Variants in TRDMT1 observed in about 807,000 individuals in gnomAD.
TRDMT1 encodes the protein tRNA aspartic acid methyltransferase 1.
TRDMT1 carries 49 observed loss-of-function variants against 51.2 expected under a neutral mutation model. The observed-to-expected ratio is 0.96, with a 90% CI of 0.76 to 1.21. The LOEUF (loss-of-function observed/expected upper bound fraction) is 1.21. TRDMT1 is among the 50% of genes most tolerant of loss of function. The pLI, the probability that TRDMT1 is intolerant of heterozygous loss-of-function variation, is 0.00. For synonymous variants in TRDMT1, 187 were observed against 164.6 expected (o/e 1.14, Z -1.04); for missense variants, 534 against 462.3 (o/e 1.16, Z -1.42).
Position 17,140,428 on chromosome 10 carries a change from A to G in TRDMT1, c.*8612T>C, listed in dbSNP as rs1057441757. Among the ~76,000 whole-genome samples the G allele has an allele frequency of 6.6e-6, 1 of 152,118 alleles. No homozygotes were observed. Among genetic ancestry groups the G allele is most frequent in the Admixed American group, 6.5e-5 (1 of 15,274 alleles). ...TGAAAGAACCTACAATTCTATTACC[A>G]TACTCAGCATACTCATATCTAAGTC... On this transcript the variant is annotated 3_prime_UTR_variant, in exon 11 of 11. Coordinates refer to ENST00000377799, the MANE Select transcript of TRDMT1 (RefSeq NM_004412.7).
At chr10:17,183,244 A>G (rs1843489058) in intron 1 of TRDMT1, among the ~76,000 whole-genome samples, 1 of 152,168 alleles carries the variant, frequency 6.6e-6, no homozygotes, top group South Asian at 2.1e-4. Flanking sequence ...TAAAAATCCA[A>G]GTTTTATAAA....
At chr10:17,184,503 C>T (rs1417093141) in intron 1 of TRDMT1, among the ~76,000 whole-genome samples, 1 of 151,808 alleles carries the variant, frequency 6.6e-6, no homozygotes, top group African/African-American at 2.4e-5. Context: ...AAAATCCTCT[C>T]TAAATTTGTC....
rs1287890832 is a variant in TRDMT1 at position 17,148,570 on chromosome 10, G to A, written c.*470C>T. ...TTTACATATCATATGCATTTGTTTA[G>A]ATGAAATAAAGAAATATTTACAGGA... is the stretch of plus-strand genomic sequence containing the variant. On this transcript the variant is annotated 3_prime_UTR_variant, in exon 11 of 11. Transcript: ENST00000377799. The A allele has an allele frequency of 3.1e-6, 3 of 978,046 alleles. No individual in the cohort carries two copies. In the African/African-American group the frequency reaches 5.3e-5, roughly 17 times the overall value. The allele number at this position is 978,046 out of a possible 1,614,324, so 60.6% of individuals were successfully genotyped here. A position where few individuals can be genotyped will look rare whatever the true frequency, so the allele number is the denominator to read the frequency against.
chr10:17,151,029 CTG>C, intron 10 of TRDMT1: 1 of 968,160 alleles, frequency 1.0e-6, no homozygotes. Flanking sequence ...GTGCGTGCAT[CTG>C]TGCATATTTC....
At chr10:17,153,819 T>C (rs552019157) in intron 9 of TRDMT1, among the ~76,000 whole-genome samples, 183 bp from the exon 10 acceptor site, 1 of 152,242 alleles carries the variant, frequency 6.6e-6, no homozygotes, top group East Asian at 1.9e-4. Flanking sequence ...CAATGTAAAC[T>C]TTGAAAAGAA....
intron 1 of TRDMT1, among the ~76,000 whole-genome samples, chr10:17,178,610 C>T (rs10904895): frequency 3.4e-5 from 5 of 146,974 alleles, no homozygotes; most frequent in African/African-American, 7.8e-5. Context: ...CTGGAGGCAG[C>T]GGGTACAGTG....
At chr10:17,197,410 A>T (rs1845598004) in intron 1 of TRDMT1, among the ~76,000 whole-genome samples, 1 of 152,252 alleles carries the variant, frequency 6.6e-6, no homozygotes, top group African/African-American at 2.4e-5. Flanking sequence ...TAGAAAATAC[A>T]GAAGCATCTA....
intron 6 of TRDMT1, among the ~76,000 whole-genome samples, chr10:17,159,807 C>T (rs140626566): frequency 1.1e-3 from 165 of 152,230 alleles, no homozygotes; most frequent in African/African-American, 3.8e-3. Flanking sequence ...GACAGCAACA[C>T]TTGCAAAATT....
In TRDMT1 at chr10:17,160,392, A is replaced by C. The variant is rs1840164708; in HGVS notation, c.390-18T>G. 7 of 1,472,132 alleles carry C rather than the reference A, an allele frequency of 4.8e-6. No homozygotes were observed. The highest frequency in any genetic ancestry group is 2.3e-5 in the Admixed American group (1 of 43,066). 91.2% of individuals were successfully genotyped at this position (1,472,132 alleles called of 1,614,324 possible). On this transcript the variant is annotated intron_variant, in intron 5 of 10. Coordinates refer to ENST00000377799, the MANE Select transcript of TRDMT1 (RefSeq NM_004412.7). ...AGAGGTCTCTAAAAAGAAAAAAAAA[A>C]AACTTTAATTCTTACTTGGAAAGGC...
At chr10:17,151,766 A>C (rs1838770069) in intron 10 of TRDMT1, 4 of 814,540 alleles carry the variant, frequency 4.9e-6, no homozygotes, top group South Asian at 1.1e-4. Flanking sequence ...CTAAAAATGA[A>C]AGCTAAAACA....
intron 5 of TRDMT1, 88 bp downstream of exon 5, chr10:17,161,395 C>G (rs1027673105): frequency 1.8e-5 from 18 of 1,002,252 alleles, no homozygotes; most frequent in Non-Finnish European, 1.9e-5. Context: ...AATGTATGCA[C>G]TGGTTTTTAA....
At chr10:17,200,934 T>C (rs1403596285) in intron 1 of TRDMT1, among the ~76,000 whole-genome samples, 1 of 152,076 alleles carries the variant, frequency 6.6e-6, no homozygotes, top group Non-Finnish European at 1.5e-5. Flanking sequence ...AGGAAACAGG[T>C]TCATCACTGT....
intron 1 of TRDMT1, among the ~76,000 whole-genome samples, chr10:17,193,943 G>A (rs1002376842): frequency 1.3e-5 from 2 of 152,046 alleles, no homozygotes; most frequent in African/African-American, 4.8e-5. Context: ...AGACAGCATG[G>A]TACTGGTACA....
Position 17,201,583 on chromosome 10 carries a change from G to C in TRDMT1, c.52C>G (p.His18Asp), listed in dbSNP as rs368191514. The part of the protein sequence containing the change: ...ELYSGVGGMH[H>D]ALRESCIPAQ... ...GATGGACTCTCACCTCTCAGCGCGT[G>C]GTGCATGCCGCCCACGCCGCTGTAT... The change falls in exon 1 of 11, where the codon CAC becomes GAC. Residue 18 changes from histidine to aspartate, a missense_variant. Physicochemically the swap from His to Asp is moderately conservative, Grantham distance 81 (BLOSUM62 -1). Coordinates refer to ENST00000377799, the MANE Select transcript of TRDMT1 (RefSeq NM_004412.7). 1.7e-5 allele frequency: 26 copies of C among 1,549,602 alleles called. No individual in the cohort carries two copies. Among genetic ancestry groups the C allele is most frequent in the Non-Finnish European group, 2.2e-5 (25 of 1,146,186 alleles).
At chr10:17,156,530 C>T (rs1207022201) in intron 8 of TRDMT1, among the ~76,000 whole-genome samples, 2 of 152,136 alleles carry the variant, frequency 1.3e-5, no homozygotes, top group Non-Finnish European at 2.9e-5. Context: ...CCAGCGTGCC[C>T]GGCCAAAATT....
Position 17,168,895 on chromosome 10 carries a change from T to A in TRDMT1, c.197A>T (p.Asp66Val). The A allele has an allele frequency of 6.2e-7, 1 of 1,612,080 alleles. No individual in the cohort carries two copies. The highest frequency in any genetic ancestry group is 8.5e-7 in the Non-Finnish European group (1 of 1,178,824). Residue 66 changes from aspartate to valine, a missense_variant, in exon 3 of 11, where the codon GAC becomes GTC. Physicochemically the swap from Asp to Val is radical, Grantham distance 152 (BLOSUM62 -3). Coordinates refer to ENST00000377799, the MANE Select transcript of TRDMT1 (RefSeq NM_004412.7). ...TAAAATCATATCAAAAGATAATCTG[T>A]CAAACTCTTCGAGTGTAATGCCCTG... Reference protein sequence around the residue: ...TIEGITLEEFDRLSFDMILMS... With the variant: ...TIEGITLEEFVRLSFDMILMS...
At chr10:17,187,024 A>C (rs1490187503) in intron 1 of TRDMT1, among the ~76,000 whole-genome samples, 1 of 152,210 alleles carries the variant, frequency 6.6e-6, no homozygotes, top group Non-Finnish European at 1.5e-5. Context: ...TTTATGCATT[A>C]GCATCATTGG....
In TRDMT1 at chr10:17,146,450, C is replaced by A. The variant is rs973198349; in HGVS notation, c.*2590G>T. 1.8e-5 allele frequency: 18 copies of A among 985,412 alleles called. No homozygotes were observed. Among genetic ancestry groups the A allele is most frequent in the Non-Finnish European group, 2.2e-5 (18 of 829,930 alleles). The allele number at this position is 985,412 out of a possible 1,614,324, so 61.0% of individuals were successfully genotyped here. On this transcript the variant is annotated 3_prime_UTR_variant, in exon 11 of 11. Coordinates refer to ENST00000377799, the MANE Select transcript of TRDMT1 (RefSeq NM_004412.7). ...CTCTGACCCCTCCTACAATGACTAC[C>A]CACCTCTTCGAAATCATTTTCCAAC...
At position 17,148,811 on chromosome 10, in the gene TRDMT1, T is replaced by C. The variant is rs909243608; in HGVS notation, c.*229A>G. ...CACATATATATTTATCAGTTTCATATGAAAATATACTCTCCATAAAGCATA... is the reference window on the plus strand; with the variant it reads ...CACATATATATTTATCAGTTTCATACGAAAATATACTCTCCATAAAGCATA... On this transcript the variant is annotated 3_prime_UTR_variant, in exon 11 of 11. Coordinates refer to ENST00000377799, the MANE Select transcript of TRDMT1 (RefSeq NM_004412.7). 4 of 1,087,192 alleles carry C rather than the reference T, an allele frequency of 3.7e-6. No homozygotes were observed. The highest frequency in any genetic ancestry group is 3.4e-6 in the Non-Finnish European group (3 of 874,260). The allele number at this position is 1,087,192 out of a possible 1,614,324, so 67.3% of individuals were successfully genotyped here. A position where few individuals can be genotyped will look rare whatever the true frequency, so the allele number is the denominator to read the frequency against.
Sources: allele counts gnomAD v4.1 joint callset (sites outside exome capture counted in the v4.1 genomes callset), GRCh38; gene constraint gnomAD v4.1.1; transcripts MANE v1.5; gene names NCBI Gene and HGNC (gene_info 2026-07-23, HGNC 2026-07-21).